C4orf51: variants seen among roughly 807,000 people sequenced by gnomAD.
C4orf51 encodes the protein uncharacterized protein C4orf51.
A neutral mutation model predicts 25.2 loss-of-function variants in C4orf51; 25 were observed. The observed-to-expected ratio is 0.99, with a 90% CI of 0.72 to 1.39. The LOEUF (loss-of-function observed/expected upper bound fraction) is 1.39. Among genes scored for constraint, C4orf51 ranks in the 40% most tolerant of loss-of-function variants. The pLI is 0.00. For synonymous variants in C4orf51, 100 were observed against 84.5 expected (o/e 1.18, Z -1.01); for missense variants, 252 against 239.6 (o/e 1.05, Z -0.34).
At chr4:145,760,911 C>T (rs1488234400) in intron 1 of C4orf51, 2 of 1,233,924 alleles carry the variant, frequency 1.6e-6, no homozygotes, top group Non-Finnish European at 2.1e-6. Context: ...TGGGGTATAA[C>T]ATTGTCAAGG....
chr4:145,727,926 A>T (rs1732170794), intron 3 of C4orf51, among the ~76,000 whole-genome samples: 1 of 90,156 alleles, frequency 1.1e-5, no homozygotes, highest in African/African-American at 6.6e-5. Context: ...TATATATAAA[A>T]TATATTATAT....
chr4:145,788,362 C>T, the C4orf51 span, among the ~76,000 whole-genome samples: 4 of 152,280 alleles, frequency 2.6e-5, no homozygotes, highest in South Asian at 8.3e-4. Flanking sequence ...TCACATAGAA[C>T]TTGAGCACCA....
chr4:145,729,871 T>C (rs202169216), intron 4 of C4orf51, 21 bp from the exon 5 acceptor site: 30 of 1,606,024 alleles, frequency 1.9e-5, no homozygotes, highest in African/African-American at 4.0e-5. Context: ...CACTCACACA[T>C]TGGCTATCTC....
chr4:145,694,255 C>A (rs1475179202), intron 1 of C4orf51, among the ~76,000 whole-genome samples: 1 of 138,878 alleles, frequency 7.2e-6, no homozygotes, highest in African/African-American at 2.7e-5. Flanking sequence ...GGATGGCGGC[C>A]AGGCGGAGAC....
chr4:145,735,067 G>C (rs1026895712), downstream of C4orf51, among the ~76,000 whole-genome samples: 7 of 152,196 alleles, frequency 4.6e-5, no homozygotes, highest in African/African-American at 1.7e-4. Flanking sequence ...GTGAGGAGAT[G>C]AATAACATGG....
chr4:145,682,896 A>G (rs1287546142), intron 1 of C4orf51, among the ~76,000 whole-genome samples: 1 of 152,142 alleles, frequency 6.6e-6, no homozygotes, highest in Non-Finnish European at 1.5e-5. Context: ...TTCTTTCTGT[A>G]TTCAAGACAA....
chr4:145,701,673 A>G (rs1730455244), intron 2 of C4orf51, among the ~76,000 whole-genome samples: 1 of 151,268 alleles, frequency 6.6e-6, no homozygotes. Flanking sequence ...TACGGAGGCT[A>G]CCCACTCCAC....
At chr4:145,727,120 GCTTT>G (rs941481410) in intron 3 of C4orf51, among the ~76,000 whole-genome samples, 151 bp downstream of exon 3, 1 of 151,878 alleles carries the variant, frequency 6.6e-6, no homozygotes, top group African/African-American at 2.4e-5. Context: ...TTTGTGTGTG[GCTTT>G]CTATTAGGTG....
the C4orf51 span, chr4:145,776,103 G>GT: frequency 7.6e-6 from 7 of 920,236 alleles, no homozygotes; most frequent in South Asian, 1.7e-5. Context: ...CCTAGGAATT[G>GT]TAAGTATCTA....
the C4orf51 span, among the ~76,000 whole-genome samples, chr4:145,783,276 G>A: frequency 1.3e-5 from 2 of 152,188 alleles, no homozygotes; most frequent in African/African-American, 4.8e-5. Flanking sequence ...GAATAAAAGG[G>A]TCCAAGTGAG....
intron 1 of C4orf51, among the ~76,000 whole-genome samples, chr4:145,751,050 T>C (rs939241550): frequency 1.3e-5 from 2 of 152,158 alleles, no homozygotes; most frequent in Non-Finnish European, 2.9e-5. Flanking sequence ...CTTCTCTGTG[T>C]TATCTTGAAT....
rs867950071 is a variant in C4orf51, at chr4:145,689,667, T to A, written c.234-6892T>A. Among the ~76,000 whole-genome samples, 17 of 152,102 alleles carry A rather than the reference T, an allele frequency of 1.1e-4. No individual in the cohort carries two copies. In the South Asian group the frequency reaches 1.7e-3, roughly 15 times the overall value. ...TTTAAAAGACTATTAATATTAAGTGTCAACATAGACCAATGGCACAGAATA... is the reference window on the plus strand; with the variant it reads ...TTTAAAAGACTATTAATATTAAGTGACAACATAGACCAATGGCACAGAATA... On this transcript the variant is annotated intron_variant, in intron 1 of 5. Coordinates refer to ENST00000438731, the MANE Select transcript of C4orf51 (RefSeq NM_001080531.3).
In C4orf51 at chr4:145,765,161, G is replaced by C; in HGVS notation, n.167-5827G>C. The C allele has an allele frequency of 6.2e-7, 1 of 1,606,234 alleles. No homozygotes were observed. The highest frequency in any genetic ancestry group is 8.5e-7 in the Non-Finnish European group (1 of 1,176,048). On this transcript the variant is annotated intron_variant and non_coding_transcript_variant, in intron 1 of 1. Transcript: ENST00000510096. This position sits in a 1 kb window ranked among gnomAD's most constrained non-coding sequence, Gnocchi z 4.7. ...AGACAAAGTTGCAAAAAACACATTC[G>C]AACCCTGCAAGGACCGAAGCTGGGT... is the stretch of plus-strand genomic sequence containing the variant.
the C4orf51 span, among the ~76,000 whole-genome samples, chr4:145,788,439 C>A: frequency 6.6e-6 from 1 of 152,110 alleles, no homozygotes; most frequent in African/African-American, 2.4e-5. Flanking sequence ...TTGATGGCTG[C>A]CATTATAACA....
chr4:145,691,975 G>GTAACATACCTGCACATGTACCCCTTGAGT (rs1249172665), intron 1 of C4orf51, among the ~76,000 whole-genome samples: 9 of 88,184 alleles, frequency 1.0e-4, no homozygotes, highest in African/African-American at 3.1e-4. Flanking sequence ...CTGATATACA[G>GTAACATACCTGCACATGTACCCCTTGAGT]CTGATAGGAA....
chr4:145,704,463 T>C lies in C4orf51; in HGVS notation c.307+7831T>C, dbSNP rs546895315. Among the ~76,000 whole-genome samples, 7 of 152,318 alleles carry C rather than the reference T, an allele frequency of 4.6e-5. No homozygotes were observed. The South Asian group carries it at 1.5e-3, about 32-fold the overall frequency. ...AAGAAATATATTTTTGGATAAAATA[T>C]TTTAATTTCCTTCACTATTCTTTCC... On this transcript the variant is annotated intron_variant, in intron 2 of 5. Transcript: ENST00000438731.
At chr4:145,708,227 A>G (rs1730939796) in intron 2 of C4orf51, among the ~76,000 whole-genome samples, 1 of 152,224 alleles carries the variant, frequency 6.6e-6, no homozygotes, top group East Asian at 1.9e-4. Flanking sequence ...CTTAGTTATG[A>G]AAGACTGAAG....
At chr4:145,792,246 T>C in the C4orf51 span, among the ~76,000 whole-genome samples, 2 of 152,068 alleles carry the variant, frequency 1.3e-5, no homozygotes, top group Non-Finnish European at 2.9e-5. Flanking sequence ...TGTTGAAGAA[T>C]AGAATGGAAT....
intron 1 of C4orf51, among the ~76,000 whole-genome samples, chr4:145,693,147 G>T (rs944829408): frequency 6.8e-6 from 1 of 147,440 alleles, no homozygotes; most frequent in Non-Finnish European, 1.5e-5. Flanking sequence ...GTGAACAAAG[G>T]TCTCTGGTTT....
Sources: gnomAD v4.1 joint callset for allele counts (sites outside exome capture counted in the v4.1 genomes callset) on GRCh38, gnomAD v4.1.1 for gene constraint, Gnocchi (gnomAD v3.1) non-coding constraint, MANE v1.5 for transcripts, NCBI Gene and HGNC (gene_info 2026-07-23, HGNC 2026-07-21) for gene names.